SVOP: variants seen among roughly 807,000 people sequenced by gnomAD.
SVOP encodes the protein synaptic vesicle 2-related protein.
SVOP carries 17 observed loss-of-function variants against 69.1 expected under a neutral mutation model. That is an observed-to-expected ratio of 0.25 (90% confidence interval 0.17 to 0.37). SVOP has a LOEUF of 0.37. Ranked by LOEUF, SVOP falls within the 10% of genes least tolerant of loss-of-function variation. The pLI, the probability that SVOP is intolerant of heterozygous loss-of-function variation, is 1.00. For missense variants in SVOP, 435 were observed against 597.5 expected, an observed-to-expected ratio of 0.73 and a Z score of 2.84; for synonymous variants, 238 against 238.6, an observed-to-expected ratio of 1.00 and a Z score of 0.02.
In SVOP at chr12:109,020,907, T is replaced by C; in HGVS notation, c.-39A>G. 1 of 716,182 alleles carries C rather than the reference T, an allele frequency of 1.4e-6. No individual in the cohort carries two copies. Among genetic ancestry groups the C allele is most frequent in the Non-Finnish European group, 2.6e-6 (1 of 384,086 alleles). 44.4% of individuals were successfully genotyped at this position (716,182 alleles called of 1,614,324 possible). ...CAGGATGAGCCCTTCTCATGGCCCT[T>C]ACATGGTAGTGGTGGATGACGAGCC... On this transcript the variant is annotated 5_prime_UTR_variant, in exon 1 of 16. It removes the in-frame stop codon of an upstream open reading frame in the 5' UTR. Coordinates refer to ENST00000610966, the MANE Select transcript of SVOP (RefSeq NM_018711.5).
chr12:108,950,795 C>T (rs564111887), intron 6 of SVOP, among the ~76,000 whole-genome samples: 3 of 152,292 alleles, frequency 2.0e-5, no homozygotes, highest in East Asian at 3.9e-4. Context: ...CTTGCTTTTG[C>T]CACCTGTGCC....
chr12:108,940,795 C>T lies in SVOP; in HGVS notation c.757G>A (p.Val253Met), dbSNP rs1462628938. The part of the protein sequence containing the change: ...LSAVPLLLFA[V>M]LCFWLPESAR... The stretch of plus-strand genomic sequence containing the variant: ...TAAAGGATACCTACGAAACACAGCA[C>T]GGCAAAGAGGAGGAGCGGGACAGCT... The change falls in exon 8 of 16, where the codon GTG becomes ATG. Residue 253 changes from valine to methionine, a missense_variant. Physicochemically the swap from Val to Met is conservative, Grantham distance 21. Coordinates refer to ENST00000610966, the MANE Select transcript of SVOP (RefSeq NM_018711.5). 7.8e-6 allele frequency: 12 copies of T among 1,537,136 alleles called. No homozygotes were observed. The highest frequency in any genetic ancestry group is 5.9e-5 in the Admixed American group (3 of 50,982).
chr12:108,976,725 C>T (rs2040108562), intron 4 of SVOP, among the ~76,000 whole-genome samples: 2 of 152,022 alleles, frequency 1.3e-5, no homozygotes, highest in Non-Finnish European at 1.5e-5. Context: ...AAGCAATTCT[C>T]CTGCCTCAGC....
chr12:108,973,571 A>G (rs1472867607), intron 4 of SVOP, among the ~76,000 whole-genome samples: 1 of 151,794 alleles, frequency 6.6e-6, no homozygotes, highest in Non-Finnish European at 1.5e-5. Flanking sequence ...TTATTTATTT[A>G]TTTATTTAGT....
Position 108,908,093 on chromosome 12 carries a change from G to A in SVOP, c.*4442C>T, listed in dbSNP as rs574655266. 2.6e-5 allele frequency: 4 copies of A among 152,456 alleles called. No individual in the cohort carries two copies. In the South Asian group the frequency reaches 6.2e-4, roughly 24 times the overall value. 9.4% of individuals were successfully genotyped at this position (152,456 alleles called of 1,614,324 possible). ...TCTGGGAGTGGGGCACTGAGCAGCT[G>A]AGTCAGGTATGTTTGCAGAGCTGGG... On this transcript the variant is annotated 3_prime_UTR_variant, in exon 16 of 16. Coordinates refer to ENST00000610966, the MANE Select transcript of SVOP (RefSeq NM_018711.5).
At chr12:108,946,961 CT>C (rs2039927509) in intron 6 of SVOP, among the ~76,000 whole-genome samples, 1 of 152,022 alleles carries the variant, frequency 6.6e-6, no homozygotes, top group Admixed American at 6.5e-5. Context: ...CTCAAGTGAT[CT>C]GCCTGCCTCA....
Position 108,927,925 on chromosome 12 carries a change from A to C in SVOP, c.1049-5128T>G, listed in dbSNP as rs1284291331. Among the ~76,000 whole-genome samples, 138 of 129,260 alleles carry C rather than the reference A, an allele frequency of 1.1e-3. 1 individual carries two copies. Among genetic ancestry groups the C allele is most frequent in the African/African-American group, 3.8e-3 (132 of 35,048 alleles). The allele number at this position is 129,260 out of a possible 152,430, so 84.8% of individuals were successfully genotyped here. ...AAAAACTCTTTTTTTTTTTTTTTTG[A>C]GAGAGAGTCTCATACCATCGCCCAG... On this transcript the variant is annotated intron_variant, in intron 11 of 15. Transcript: ENST00000610966.
chr12:108,935,738 T>G (rs1254530190), intron 10 of SVOP, among the ~76,000 whole-genome samples: 1 of 152,212 alleles, frequency 6.6e-6, no homozygotes, highest in East Asian at 1.9e-4. Flanking sequence ...ATTAATGCTG[T>G]GTACATGAAT....
At chr12:108,987,925 GA>G (rs367544596) in intron 1 of SVOP, among the ~76,000 whole-genome samples, 134,558 of 151,296 alleles carry the variant, frequency 0.89, 60,929 homozygotes, top group Non-Finnish European at 0.99. Flanking sequence ...ACCAAAGTTT[GA>G]AAAAAAAAAT....
At chr12:108,945,967 C>G (rs2137410741) in intron 6 of SVOP, among the ~76,000 whole-genome samples, 1 of 152,278 alleles carries the variant, frequency 6.6e-6, no homozygotes, top group Non-Finnish European at 1.5e-5. Context: ...GAATATTTCC[C>G]CTTTGTGGGG....
chr12:108,976,157 G>A (rs1303965847), intron 4 of SVOP, among the ~76,000 whole-genome samples: 3 of 152,128 alleles, frequency 2.0e-5, no homozygotes, highest in Non-Finnish European at 4.4e-5. Flanking sequence ...ACAAAATACA[G>A]CCATCAAGTG....
chr12:108,967,849 G>A (rs570433986), intron 5 of SVOP, among the ~76,000 whole-genome samples: 2 of 152,280 alleles, frequency 1.3e-5, no homozygotes, highest in South Asian at 4.1e-4. Context: ...ATTTTGGAAG[G>A]TGCCAAAATA....
At chr12:108,934,056 A>G (rs2039840802) in intron 11 of SVOP, 139 bp downstream of exon 11, 1 of 672,266 alleles carries the variant, frequency 1.5e-6, no homozygotes, top group African/African-American at 1.8e-5. Flanking sequence ...CCAGGTTTCT[A>G]CAGAGTGTCT....
intron 5 of SVOP, 62 bp downstream of exon 5, chr12:108,972,343 T>G: frequency 6.0e-6 from 9 of 1,499,882 alleles, no homozygotes; most frequent in Non-Finnish European, 5.4e-6. Context: ...GTTTGCTACT[T>G]GTCCAGACCA....
At chr12:109,004,581 T>A (rs2040293821) in intron 1 of SVOP, among the ~76,000 whole-genome samples, 1 of 151,616 alleles carries the variant, frequency 6.6e-6, no homozygotes, top group Admixed American at 6.6e-5. Flanking sequence ...TATTTTTTTT[T>A]AATTTTAGTA....
At chr12:108,945,299 A>G (rs928729613) in intron 6 of SVOP, 133 bp from the exon 7 acceptor site, 1 of 810,224 alleles carries the variant, frequency 1.2e-6, no homozygotes, top group Admixed American at 2.2e-5. Context: ...ATTTCCTGAG[A>G]TGATGTTGGT....
chr12:109,007,308 T>C lies in SVOP; in HGVS notation c.35+13526A>G, dbSNP rs148652544. Reference sequence around the variant, plus strand: ...AGAGACTGCCAAGGTCACTAACATATGGACTTGCTTTGTCTCCTTCAAGAC... The same window carrying C: ...AGAGACTGCCAAGGTCACTAACATACGGACTTGCTTTGTCTCCTTCAAGAC... On this transcript the variant is annotated intron_variant, in intron 1 of 15. Coordinates refer to ENST00000610966, the MANE Select transcript of SVOP (RefSeq NM_018711.5). Among the ~76,000 whole-genome samples the C allele has an allele frequency of 2.1e-3, 327 of 152,340 alleles. 1 individual carries two copies. Among genetic ancestry groups the C allele is most frequent in the African/African-American group, 7.7e-3 (322 of 41,582 alleles).
At chr12:108,927,294 G>C (rs1201002571) in intron 11 of SVOP, among the ~76,000 whole-genome samples, 2 of 152,168 alleles carry the variant, frequency 1.3e-5, no homozygotes, top group African/African-American at 2.4e-5. Context: ...TAACTTGTCA[G>C]CTTGCAAATA....
At chr12:108,970,896 T>C (rs1779175502) in intron 5 of SVOP, among the ~76,000 whole-genome samples, 1 of 151,968 alleles carries the variant, frequency 6.6e-6, no homozygotes. Flanking sequence ...GGCACAAGTC[T>C]TGTCCCAGCT....
Sources: gnomAD v4.1 joint callset for allele counts (sites outside exome capture counted in the v4.1 genomes callset) on GRCh38, gnomAD v4.1.1 for gene constraint, MANE v1.5 for transcripts, NCBI Gene and HGNC (gene_info 2026-07-23, HGNC 2026-07-21) for gene names.